The following TRAF3IP1 variants were observed in gnomAD, a reference collection of about 807,000 sequenced individuals.
The protein encoded by TRAF3IP1 is intraflagellar transport 54, also known as TRAF3-interacting protein 1.
Under a neutral mutation model 89.9 loss-of-function variants are expected in TRAF3IP1, and 53 were observed. That is an observed-to-expected ratio of 0.59 (90% CI 0.47 to 0.74). The LOEUF (loss-of-function observed/expected upper bound fraction) is 0.74. Among genes scored for constraint, TRAF3IP1 ranks in the 30% least tolerant of loss-of-function variants. TRAF3IP1 has a pLI of 0.00. For synonymous variants in TRAF3IP1, 311 were observed against 322.1 expected, an observed-to-expected ratio of 0.97 and a Z score of 0.37; for missense variants, 806 against 866.1, an observed-to-expected ratio of 0.93 and a Z score of 0.87.
At chr2:238,393,745 T>G (rs1701093963) in intron 15 of TRAF3IP1, among the ~76,000 whole-genome samples, 1 of 152,236 alleles carries the variant, frequency 6.6e-6, no homozygotes, top group Non-Finnish European at 1.5e-5. Context: ...TGCCAAATGG[T>G]GCAAAGCTCT....
chr2:238,333,121 G>T (rs189502645), intron 6 of TRAF3IP1, among the ~76,000 whole-genome samples: 4 of 152,258 alleles, frequency 2.6e-5, no homozygotes, highest in African/African-American at 9.6e-5. Flanking sequence ...GGGCACTCCT[G>T]GGTTTACTTA....
Position 238,358,222 on chromosome 2 carries a change from T to C in TRAF3IP1, c.1689+2142T>C, listed in dbSNP as rs552573816. 2.2e-3 allele frequency among the ~76,000 whole-genome samples: 330 copies of C among 152,168 alleles called. 1 individual carries two copies. Among genetic ancestry groups the C allele is most frequent in the African/African-American group, 7.8e-3 (322 of 41,512 alleles). The stretch of plus-strand genomic sequence containing the variant: ...GCCTCCCGGATTCACGCCATTCTCC[T>C]GCTACATTTTTTTTTTAAATAAATA... On this transcript the variant is annotated intron_variant, in intron 15 of 16. Coordinates refer to ENST00000373327, the MANE Select transcript of TRAF3IP1 (RefSeq NM_015650.4).
At chr2:238,335,158 T>C (rs1020168947) in intron 7 of TRAF3IP1, among the ~76,000 whole-genome samples, 4 of 152,262 alleles carry the variant, frequency 2.6e-5, no homozygotes, top group African/African-American at 9.6e-5. Flanking sequence ...GTTTGGTTTC[T>C]GATTTGCCTA....
Position 238,325,388 on chromosome 2 carries a change from G to C in TRAF3IP1, c.192+14G>C. On this transcript the variant is annotated intron_variant, in intron 2 of 16. Coordinates refer to ENST00000373327, the MANE Select transcript of TRAF3IP1 (RefSeq NM_015650.4). ...GATAATGTGAAGGTGGGTTTGAGTC[G>C]GGCTTCTCCTATTGACTCCTCGCCT... The C allele has an allele frequency of 6.2e-7, 1 of 1,613,984 alleles. No individual in the cohort carries two copies. The highest frequency in any genetic ancestry group is 8.5e-7 in the Non-Finnish European group (1 of 1,179,964).
At chr2:238,325,524 C>G (rs997420487) in intron 2 of TRAF3IP1, 150 bp downstream of exon 2, 1 of 787,120 alleles carries the variant, frequency 1.3e-6, no homozygotes, top group East Asian at 2.7e-5. Flanking sequence ...TATACCCTTT[C>G]TCATTTCATT....
At chr2:238,376,149 A>G (rs1424260184) in intron 15 of TRAF3IP1, among the ~76,000 whole-genome samples, 1 of 152,234 alleles carries the variant, frequency 6.6e-6, no homozygotes, top group African/African-American at 2.4e-5. Flanking sequence ...ACCACAGGCA[A>G]TATATAAATG....
chr2:238,391,793 C>T (rs1243375034), intron 15 of TRAF3IP1, among the ~76,000 whole-genome samples: 1 of 152,134 alleles, frequency 6.6e-6, no homozygotes, highest in Non-Finnish European at 1.5e-5. Flanking sequence ...CCTTAAGGTC[C>T]ATGCCCTAAA....
At chr2:238,380,345 G>A (rs1343825892) in intron 15 of TRAF3IP1, among the ~76,000 whole-genome samples, 1 of 152,152 alleles carries the variant, frequency 6.6e-6, no homozygotes. Flanking sequence ...TGTGCACAAC[G>A]ACTGATCCTG....
intron 15 of TRAF3IP1, among the ~76,000 whole-genome samples, chr2:238,392,614 C>G (rs527965382): frequency 6.6e-6 from 1 of 152,004 alleles, no homozygotes; most frequent in East Asian, 1.9e-4. Flanking sequence ...CTCTTGTTGC[C>G]CAGGCTGGAG....
intron 14 of TRAF3IP1, among the ~76,000 whole-genome samples, chr2:238,355,326 T>G (rs892625029): frequency 1.3e-5 from 2 of 152,234 alleles, no homozygotes; most frequent in Admixed American, 6.5e-5. Context: ...GGCTTATACT[T>G]ACATTTGAAA....
chr2:238,370,251 ATG>A (rs754457981), intron 15 of TRAF3IP1, among the ~76,000 whole-genome samples: 4 of 145,090 alleles, frequency 2.8e-5, no homozygotes, highest in African/African-American at 5.5e-5. Flanking sequence ...ATGTGTATAT[ATG>A]TGTGTGCATG....
In TRAF3IP1 at chr2:238,397,586, A is replaced by G. The variant is rs747529072; in HGVS notation, c.1817A>G (p.Tyr606Cys). 1.2e-6 allele frequency: 2 copies of G among 1,612,820 alleles called. No homozygotes were observed. Among genetic ancestry groups the G allele is most frequent in the African/African-American group, 1.3e-5 (1 of 74,910 alleles). The change falls in exon 16 of 17, where the codon TAC becomes TGC. Residue 606 changes from tyrosine to cysteine, a missense_variant. By Grantham distance (194) the Tyr-to-Cys change is radical. Transcript: ENST00000373327. ...CTTCCCCTGGGGAAGATCATGGACT[A>G]CATCCAGGAAGACGTGGATGCCATG... ...SALPLGKIMD[Y>C]IQEDVDAMQN...
rs1330965913 is a variant in TRAF3IP1, at chr2:238,338,337, T to C, written c.1064-25T>C. On this transcript the variant is annotated intron_variant, in intron 7 of 16. Transcript: ENST00000373327. ...CACAAAATCTTTTATAATATTTTAA[T>C]CTGTTGTTAACTATTTTATGTCAGG... 10 of 1,345,166 alleles carry C rather than the reference T, an allele frequency of 7.4e-6. No individual in the cohort carries two copies. The South Asian group carries it at 1.2e-4, about 16-fold the overall frequency. The allele number at this position is 1,345,166 out of a possible 1,614,324, so 83.3% of individuals were successfully genotyped here. A position where few individuals can be genotyped will look rare whatever the true frequency, so the allele number is the denominator to read the frequency against.
At position 238,336,011 on chromosome 2, in the gene TRAF3IP1, C is replaced by T. The variant is rs894383062; in HGVS notation, c.1063+1976C>T. Among the ~76,000 whole-genome samples the T allele has an allele frequency of 2.0e-5, 3 of 152,054 alleles. No individual in the cohort carries two copies. The East Asian group carries it at 5.8e-4, about 29-fold the overall frequency. On this transcript the variant is annotated intron_variant, in intron 7 of 16. Coordinates refer to ENST00000373327, the MANE Select transcript of TRAF3IP1 (RefSeq NM_015650.4). ...TTTACCATGTTGGCCAGGCTGGTCT[C>T]GAACTCTTGACCTCAAGTGATCTGC...
chr2:238,395,206 A>AAG (rs548056680), intron 15 of TRAF3IP1, among the ~76,000 whole-genome samples: 5 of 152,116 alleles, frequency 3.3e-5, no homozygotes, highest in African/African-American at 1.2e-4. Flanking sequence ...GCTGTAAAGA[A>AAG]AGAGAGAGAG....
intron 10 of TRAF3IP1, among the ~76,000 whole-genome samples, chr2:238,347,736 T>C (rs942187487): frequency 1.3e-5 from 2 of 152,140 alleles, no homozygotes; most frequent in Non-Finnish European, 2.9e-5. Context: ...CAAGCAATTC[T>C]CCTGCCTCAG....
chr2:238,380,788 G>A (rs927073800), intron 15 of TRAF3IP1, among the ~76,000 whole-genome samples: 1 of 152,204 alleles, frequency 6.6e-6, no homozygotes, highest in African/African-American at 2.4e-5. Flanking sequence ...AAACACTGTT[G>A]TAAAGTGATT....
rs148586007 is a variant in TRAF3IP1 at position 238,380,390 on chromosome 2, G to A, written c.1690-17069G>A. Among the ~76,000 whole-genome samples the A allele has an allele frequency of 2.3e-3, 343 of 152,292 alleles. 3 individuals are homozygous for A. Among genetic ancestry groups the A allele is most frequent in the African/African-American group, 8.0e-3 (331 of 41,558 alleles). Reference sequence around the variant, plus strand: ...GAAAATATGGTGTCTTCATGCCCAGGAAGGGAAGGTCCTCTCCCCCGGGTC... The same window carrying A: ...GAAAATATGGTGTCTTCATGCCCAGAAAGGGAAGGTCCTCTCCCCCGGGTC... On this transcript the variant is annotated intron_variant, in intron 15 of 16. Transcript: ENST00000373327.
In TRAF3IP1 at chr2:238,344,509, C is replaced by G. The variant is rs1266842284; in HGVS notation, c.1172C>G (p.Ala391Gly). 6.2e-7 allele frequency: 1 copy of G among 1,613,896 alleles called. No individual in the cohort carries two copies. Among genetic ancestry groups the G allele is most frequent in the East Asian group, 2.2e-5 (1 of 44,880 alleles). Residue 391 changes from alanine (A) to glycine (G), a missense_variant, in exon 9 of 17, where the codon GCT becomes GGT. By Grantham distance (60) the Ala-to-Gly change is moderately conservative (BLOSUM62 0). Around this residue, in one of 3 missense-constraint regions of TRAF3IP1, gnomAD observed 732 missense variants for 780.5 expected, o/e 0.94. Transcript: ENST00000373327. Reference protein sequence around the residue: ...TTTSEIGTKEANINSTSISDD... With the variant: ...TTTSEIGTKEGNINSTSISDD... ...TGTTTTATGTCAGGAACAAAAGAAG[C>G]TAATATTAACTCAACTAGTATTTCA...
Sources: allele counts gnomAD v4.1 joint callset (sites outside exome capture counted in the v4.1 genomes callset), GRCh38; gene constraint gnomAD v4.1.1; regional missense constraint gnomAD v4.1.1; transcripts MANE v1.5; gene names NCBI Gene and HGNC (gene_info 2026-07-23, HGNC 2026-07-21).